The following WWOX variants were observed in gnomAD, a reference collection of about 807,000 sequenced individuals.
WWOX encodes WW domain-containing oxidoreductase.
WWOX carries 69 observed loss-of-function variants against 46.2 expected under a neutral mutation model. That is an observed-to-expected ratio of 1.49 (90% CI 1.23 to 1.82). The LOEUF (loss-of-function observed/expected upper bound fraction) is 1.82, where lower values mean the gene tolerates loss of function less well. Among genes scored for constraint, WWOX ranks in the 40% most tolerant of loss-of-function variants. The pLI, the probability that WWOX is intolerant of heterozygous loss-of-function variation, is 0.00. For synonymous variants in WWOX, 359 were observed against 202.6 expected (o/e 1.77, Z -6.56); for missense variants, 919 against 542.6 (o/e 1.69, Z -6.89).
chr16:78,965,314 A>T lies in WWOX; in HGVS notation c.1057-246294A>T, dbSNP rs1408675984. Among the ~76,000 whole-genome samples the T allele has an allele frequency of 3.3e-5, 5 of 152,184 alleles. No homozygotes were observed. In the East Asian group the frequency reaches 9.6e-4, roughly 29 times the overall value. On this transcript the variant is annotated intron_variant, in intron 8 of 8. Transcript: ENST00000566780. Reference sequence around the variant, plus strand: ...CCAGACACGGTGGCTCATGCCTATAATCCTAGCACGTTGGGAGGCTGAGGT... The same window carrying T: ...CCAGACACGGTGGCTCATGCCTATATTCCTAGCACGTTGGGAGGCTGAGGT...
chr16:78,472,526 G>A lies in WWOX; in HGVS notation c.1056+39774G>A, dbSNP rs56402143. Reference sequence around the variant, plus strand: ...GTTTTGCTATGTTGAAAAAAATGATGAGCCGGGCACAGTGGCTCACGCCTG... The same window carrying A: ...GTTTTGCTATGTTGAAAAAAATGATAAGCCGGGCACAGTGGCTCACGCCTG... On this transcript the variant is annotated intron_variant, in intron 8 of 8. Transcript: ENST00000566780. Among the ~76,000 whole-genome samples, 1,448 of 152,116 alleles carry A rather than the reference G, an allele frequency of 9.5e-3. 28 individuals are homozygous for A. The highest frequency in any genetic ancestry group is 0.033 in the African/African-American group (1,373 of 41,514).
At chr16:78,367,000 G>A (rs1238781894) in intron 5 of WWOX, among the ~76,000 whole-genome samples, 5 of 99,490 alleles carry the variant, frequency 5.0e-5, no homozygotes, top group African/African-American at 8.4e-5. Flanking sequence ...TTTTTTTTAA[G>A]ACGTAGTCTT....
At chr16:78,669,441 T>C (rs967165716) in intron 8 of WWOX, among the ~76,000 whole-genome samples, 2 of 152,168 alleles carry the variant, frequency 1.3e-5, no homozygotes, top group Non-Finnish European at 2.9e-5. Context: ...TTTTTAGTTG[T>C]CAGAACTGGA....
intron 8 of WWOX, among the ~76,000 whole-genome samples, chr16:78,651,898 A>G (rs77949939): frequency 1.3e-5 from 2 of 152,120 alleles, no homozygotes; most frequent in East Asian, 3.9e-4. Flanking sequence ...AGCTATTCCC[A>G]TAGGGAGTGA....
intron 5 of WWOX, among the ~76,000 whole-genome samples, chr16:78,218,076 C>G (rs147513904): frequency 3.4e-4 from 52 of 152,074 alleles, no homozygotes; most frequent in African/African-American, 1.1e-3. Flanking sequence ...CTTTTTAAGA[C>G]AGGCTCTCAC....
intron 5 of WWOX, among the ~76,000 whole-genome samples, chr16:78,383,331 G>A (rs764746255): frequency 1.5e-4 from 23 of 152,232 alleles, no homozygotes; most frequent in Non-Finnish European, 3.1e-4. Context: ...GCTGGATGAT[G>A]GGTATAGGGT....
intron 8 of WWOX, among the ~76,000 whole-genome samples, chr16:79,115,445 C>T (rs2049497218): frequency 4.0e-5 from 1 of 24,818 alleles, no homozygotes; most frequent in Admixed American, 6.6e-4. Flanking sequence ...GGACCCAAAA[C>T]CCACAGGTGC....
intron 4 of WWOX, among the ~76,000 whole-genome samples, chr16:78,152,249 C>G (rs1466490164): frequency 6.6e-6 from 1 of 151,708 alleles, no homozygotes; most frequent in Non-Finnish European, 1.5e-5. Context: ...CGTATCATTT[C>G]TCCTCATTCT....
intron 8 of WWOX, among the ~76,000 whole-genome samples, chr16:78,727,439 C>G (rs890640184): frequency 1.3e-5 from 2 of 152,148 alleles, no homozygotes; most frequent in African/African-American, 2.4e-5. Flanking sequence ...ACACTGTCCT[C>G]TGGTCCTGGT....
At chr16:78,700,323 AG>A (rs2048186332) in intron 8 of WWOX, among the ~76,000 whole-genome samples, 4 of 35,146 alleles carry the variant, frequency 1.1e-4, no homozygotes, top group African/African-American at 6.5e-4. Context: ...AGAGAGAGAG[AG>A]AGAGAGAGAG....
intron 8 of WWOX, among the ~76,000 whole-genome samples, chr16:78,490,533 G>C (rs953982997): frequency 6.6e-6 from 1 of 152,126 alleles, no homozygotes. Context: ...TCAATGCTGG[G>C]CTAGTTTCAG....
chr16:78,600,984 C>T (rs1056706413), intron 8 of WWOX, among the ~76,000 whole-genome samples: 9 of 152,146 alleles, frequency 5.9e-5, no homozygotes, highest in African/African-American at 2.2e-4. Flanking sequence ...GAGCTTCTGC[C>T]ATCCCTCTGT....
intron 8 of WWOX, among the ~76,000 whole-genome samples, chr16:78,438,309 C>CT (rs541164501): frequency 2.7e-3 from 405 of 152,196 alleles, no homozygotes; most frequent in Middle Eastern, 6.8e-3. Context: ...GCCTTGTAAA[C>CT]TTTCACTTGC....
intron 8 of WWOX, among the ~76,000 whole-genome samples, chr16:78,488,506 T>C (rs1275423023): frequency 6.6e-6 from 1 of 152,192 alleles, no homozygotes; most frequent in Non-Finnish European, 1.5e-5. Context: ...ATTTTTCAAC[T>C]GGATTTACCA....
chr16:78,798,636 G>T (rs1021532597), intron 8 of WWOX, among the ~76,000 whole-genome samples: 7 of 149,106 alleles, frequency 4.7e-5, no homozygotes, highest in Admixed American at 4.0e-4. Context: ...TTTCCATATA[G>T]GTTTTTCTCG....
chr16:78,311,112 C>T (rs544082668), intron 5 of WWOX, among the ~76,000 whole-genome samples: 4 of 152,236 alleles, frequency 2.6e-5, no homozygotes, highest in African/African-American at 7.2e-5. Context: ...AAATACCAGA[C>T]ATCCTGTGGG....
chr16:78,896,858 T>A (rs2044712146), intron 8 of WWOX: 1 of 152,084 alleles, frequency 6.6e-6, no homozygotes, highest in African/African-American at 2.4e-5. Context: ...TAGCATATTT[T>A]AAATATACAG....
intron 5 of WWOX, chr16:78,264,988 T>TCTTC (rs1463514955): frequency 2.5e-5 from 3 of 118,698 alleles, no homozygotes; most frequent in African/African-American, 9.5e-5. Context: ...CCCTTCCCTT[T>TCTTC]CTTTCTTTCT....
chr16:78,247,396 C>CT lies in WWOX; in HGVS notation c.516+83115dup, dbSNP rs533968214. ...GTTCTCATTGCTGCTGCCCACCTTT[C>CT]TTTTTTTTGCCATGGGTGCAAAAGA... On this transcript the variant is annotated intron_variant, in intron 5 of 8. Coordinates refer to ENST00000566780, the MANE Select transcript of WWOX (RefSeq NM_016373.4). Among the ~76,000 whole-genome samples, 15 of 151,986 alleles carry CT rather than the reference C, an allele frequency of 9.9e-5. No homozygotes were observed. The South Asian group carries it at 1.3e-3, about 13-fold the overall frequency.
Sources: gnomAD v4.1 joint callset for allele counts (sites outside exome capture counted in the v4.1 genomes callset) on GRCh38, gnomAD v4.1.1 for gene constraint, MANE v1.5 for transcripts, NCBI Gene and HGNC (gene_info 2026-07-23, HGNC 2026-07-21) for gene names.